Variants in KLHL1 observed in about 807,000 individuals in gnomAD.
The protein encoded by KLHL1 is kelch-like protein 1.
KLHL1 carries 47 observed loss-of-function variants against 77.7 expected under a neutral mutation model. The observed-to-expected ratio is 0.60, with a 90% CI of 0.48 to 0.77. KLHL1 has a LOEUF of 0.77. KLHL1 is among the 30% of genes least tolerant of loss of function. KLHL1 has a pLI of 0.00. For missense variants in KLHL1, 925 were observed against 910.8 expected (o/e 1.02, Z -0.20); for synonymous variants, 360 against 325.2 (o/e 1.11, Z -1.15).
At chr13:69,778,136 G>T (rs1875929476) in intron 7 of KLHL1, among the ~76,000 whole-genome samples, 1 of 152,012 alleles carries the variant, frequency 6.6e-6, no homozygotes, top group Admixed American at 6.6e-5. Flanking sequence ...TGCAGCCAAG[G>T]ATGAGGTTGC....
Position 70,039,790 on chromosome 13 carries a change from C to A in KLHL1, c.498-63988G>T, listed in dbSNP as rs149227100. ...GAGTAGCTGGAACTATAGGTATGTA[C>A]CATCATGCCTAGCTAATTTTTAAAA... is the stretch of plus-strand genomic sequence containing the variant. On this transcript the variant is annotated intron_variant, in intron 1 of 10. Coordinates refer to ENST00000377844, the MANE Select transcript of KLHL1 (RefSeq NM_020866.3). 2.4e-3 allele frequency among the ~76,000 whole-genome samples: 368 copies of A among 151,910 alleles called. 1 individual carries two copies. Among genetic ancestry groups the A allele is most frequent in the African/African-American group, 8.3e-3 (343 of 41,422 alleles).
chr13:69,982,151 T>G (rs1451007686), intron 1 of KLHL1, among the ~76,000 whole-genome samples: 4 of 151,750 alleles, frequency 2.6e-5, no homozygotes, highest in African/African-American at 4.8e-5. Context: ...ATAGATACAT[T>G]AAAAATAAAA....
intron 1 of KLHL1, among the ~76,000 whole-genome samples, chr13:70,053,526 C>T (rs74093212): frequency 0.022 from 3,312 of 151,958 alleles, 86 homozygotes; most frequent in African/African-American, 0.059. Context: ...AATTATAATA[C>T]TCTTATGGAA....
At chr13:69,893,392 G>A (rs1279781616) in intron 4 of KLHL1, among the ~76,000 whole-genome samples, 8 of 151,788 alleles carry the variant, frequency 5.3e-5, no homozygotes, top group East Asian at 3.9e-4. Context: ...CCGCCACCGC[G>A]CCTGGCTAAT....
At chr13:69,931,492 C>T (rs1173262028) in intron 4 of KLHL1, among the ~76,000 whole-genome samples, 2 of 151,710 alleles carry the variant, frequency 1.3e-5, no homozygotes, top group Admixed American at 6.6e-5. Flanking sequence ...CTTTGAATCC[C>T]GTTCTTTAAA....
At chr13:69,712,582 TTAA>T (rs1875927480) in intron 9 of KLHL1, among the ~76,000 whole-genome samples, 1 of 152,108 alleles carries the variant, frequency 6.6e-6, no homozygotes, top group African/African-American at 2.4e-5. Flanking sequence ...TTAAAATAAT[TTAA>T]TAATAAGCCT....
At chr13:70,025,384 TTAC>T in intron 1 of KLHL1, among the ~76,000 whole-genome samples, 1 of 152,060 alleles carries the variant, frequency 6.6e-6, no homozygotes, top group African/African-American at 2.4e-5. Context: ...CTCTGATATT[TTAC>T]TTATTTATTA....
rs143629871 is a variant in KLHL1, at chr13:70,101,492, G to A, written c.497+5711C>T. On this transcript the variant is annotated intron_variant, in intron 1 of 10. Transcript: ENST00000377844. ...CCCCCAGGCTGGAGTGCAGTGGCGC[G>A]ATCTCGGCTTACTGTAACATCCGCC... Among the ~76,000 whole-genome samples, 390 of 152,106 alleles carry A rather than the reference G, an allele frequency of 2.6e-3. 2 individuals carry two copies. The highest frequency in any genetic ancestry group is 9.0e-3 in the African/African-American group (375 of 41,516).
intron 2 of KLHL1, among the ~76,000 whole-genome samples, chr13:69,971,674 T>C (rs1884385571): frequency 6.6e-6 from 1 of 152,048 alleles, no homozygotes; most frequent in South Asian, 2.1e-4. Flanking sequence ...CTTATTTGAC[T>C]ATGTCTTGAC....
Position 69,854,755 on chromosome 13 carries a change from T to C in KLHL1, c.1228-15593A>G, listed in dbSNP as rs553932375. ...TTCTAGAACACAAAATTATAATTGGTTCTTACATAGTCTTTTGAATACATT... is the reference window on the plus strand; with the variant it reads ...TTCTAGAACACAAAATTATAATTGGCTCTTACATAGTCTTTTGAATACATT... On this transcript the variant is annotated intron_variant, in intron 5 of 10. Transcript: ENST00000377844. Among the ~76,000 whole-genome samples, 3 of 152,214 alleles carry C rather than the reference T, an allele frequency of 2.0e-5. No homozygotes were observed. In the East Asian group the frequency reaches 5.8e-4, roughly 30 times the overall value.
rs541340521 is a variant in KLHL1 at position 69,856,580 on chromosome 13, T to C, written c.1228-17418A>G. On this transcript the variant is annotated intron_variant, in intron 5 of 10. Coordinates refer to ENST00000377844, the MANE Select transcript of KLHL1 (RefSeq NM_020866.3). The stretch of plus-strand genomic sequence containing the variant: ...CTTCTCACGTGAGTGGATAACAGTA[T>C]GTTCTGAATTCCAGACATTCCAAAC... 2.0e-5 allele frequency among the ~76,000 whole-genome samples: 3 copies of C among 152,184 alleles called. No individual in the cohort carries two copies. The East Asian group carries it at 5.8e-4, about 30-fold the overall frequency.
chr13:70,073,603 T>C (rs530659477), intron 1 of KLHL1, among the ~76,000 whole-genome samples: 2 of 151,974 alleles, frequency 1.3e-5, no homozygotes, highest in South Asian at 2.1e-4. Context: ...CAGTGAGACC[T>C]TGTCTCTACA....
intron 5 of KLHL1, among the ~76,000 whole-genome samples, chr13:69,860,802 A>G (rs925131943): frequency 6.6e-6 from 1 of 151,840 alleles, no homozygotes; most frequent in Admixed American, 6.6e-5. Context: ...TATCAGATTT[A>G]TTGAACTCAT....
chr13:69,942,455 C>A (rs1276415731), intron 3 of KLHL1, among the ~76,000 whole-genome samples: 7 of 147,682 alleles, frequency 4.7e-5, no homozygotes, highest in African/African-American at 1.8e-4. Flanking sequence ...TCTTAGATTT[C>A]TCCTTTTCAT....
intron 7 of KLHL1, among the ~76,000 whole-genome samples, chr13:69,750,845 T>C (rs1874444567): frequency 6.6e-6 from 1 of 152,044 alleles, no homozygotes. Flanking sequence ...ATAGTGATTA[T>C]CCATCGTGGT....
At chr13:69,939,346 T>TATATATATATATATATATATATAC (rs1883284069) in intron 4 of KLHL1, among the ~76,000 whole-genome samples, 2 of 35,572 alleles carry the variant, frequency 5.6e-5, no homozygotes, top group African/African-American at 2.7e-4. Context: ...CATACATATA[T>TATATATATATATATATATATATAC]ATATATATAT....
chr13:70,079,726 C>T (rs1887349726), intron 1 of KLHL1, among the ~76,000 whole-genome samples: 1 of 152,014 alleles, frequency 6.6e-6, no homozygotes, highest in Admixed American at 6.6e-5. Context: ...ACCCAGTGAA[C>T]TAGGTAATAT....
chr13:70,087,171 T>C (rs1887563965), intron 1 of KLHL1, among the ~76,000 whole-genome samples: 1 of 152,106 alleles, frequency 6.6e-6, no homozygotes, highest in African/African-American at 2.4e-5. Flanking sequence ...ACTGACCAGC[T>C]CTTAGTGGAA....
chr13:70,095,197 A>G (rs1184220480), intron 1 of KLHL1, among the ~76,000 whole-genome samples: 1 of 152,152 alleles, frequency 6.6e-6, no homozygotes, highest in Non-Finnish European at 1.5e-5. Flanking sequence ...TGGGAAAGGC[A>G]TGGGATTTTG....
Sources: gnomAD v4.1 joint callset for allele counts (sites outside exome capture counted in the v4.1 genomes callset) on GRCh38, gnomAD v4.1.1 for gene constraint, MANE v1.5 for transcripts, NCBI Gene and HGNC (gene_info 2026-07-23, HGNC 2026-07-21) for gene names.